The following CLIC5 variants were observed in gnomAD, a reference collection of about 807,000 sequenced individuals.
The protein encoded by CLIC5 is chloride intracellular channel protein 5.
CLIC5 carries 20 observed loss-of-function variants against 24.7 expected under a neutral mutation model. The ratio of observed to expected loss-of-function variants is 0.81; its 90% CI spans 0.57 to 1.18. The LOEUF (loss-of-function observed/expected upper bound fraction) is 1.18, where lower values mean the gene tolerates loss of function less well. CLIC5 is among the 50% of genes most tolerant of loss of function. The pLI is 0.00. For synonymous variants in CLIC5, 159 were observed against 135.6 expected (o/e 1.17, Z -1.20); for missense variants, 341 against 326.1 (o/e 1.05, Z -0.35).
chr6:45,986,539 C>A (rs1243262734), intron 1 of CLIC5, among the ~76,000 whole-genome samples: 1 of 152,126 alleles, frequency 6.6e-6, no homozygotes, highest in Non-Finnish European at 1.5e-5. Context: ...GCCTTAAGGG[C>A]CACTTTGGGG....
At chr6:45,966,061 G>T (rs1765006523) in intron 1 of CLIC5, among the ~76,000 whole-genome samples, 1 of 152,112 alleles carries the variant, frequency 6.6e-6, no homozygotes, top group Non-Finnish European at 1.5e-5. Flanking sequence ...AATAGGATAA[G>T]CTGGGCTGGA....
In CLIC5 at chr6:46,059,390, T is replaced by C. The variant is rs536540387; in HGVS notation, c.540+20313A>G. Among the ~76,000 whole-genome samples, 64 of 152,380 alleles carry C rather than the reference T, an allele frequency of 4.2e-4. 1 individual carries two copies. The highest frequency in any genetic ancestry group is 6.8e-3 in the Middle Eastern group (2 of 294). On this transcript the variant is annotated intron_variant, in intron 1 of 5. Transcript: ENST00000185206. ...ATTCCTATTATTTGCTTTAATTTTG[T>C]ATTTAAATTTATTTGGGAAACTTGC...
At chr6:45,910,094 G>A (rs2127301405) in intron 5 of CLIC5, among the ~76,000 whole-genome samples, 1 of 152,250 alleles carries the variant, frequency 6.6e-6, no homozygotes, top group South Asian at 2.1e-4. Context: ...ATAACACTGA[G>A]CTATAATCTA....
the CLIC5 span, among the ~76,000 whole-genome samples, chr6:46,119,233 G>A: frequency 6.6e-6 from 1 of 152,188 alleles, no homozygotes; most frequent in Non-Finnish European, 1.5e-5. Context: ...ATGCTAATCT[G>A]CAAGAATTAA....
intron 3 of CLIC5, among the ~76,000 whole-genome samples, chr6:45,948,621 C>T (rs535739840): frequency 6.6e-6 from 1 of 152,274 alleles, no homozygotes; most frequent in East Asian, 1.9e-4. Context: ...ACAAGTCTAG[C>T]TTGGGTAAAT....
the CLIC5 span, among the ~76,000 whole-genome samples, chr6:46,099,620 C>T: frequency 6.6e-6 from 1 of 152,192 alleles, no homozygotes; most frequent in Non-Finnish European, 1.5e-5. Flanking sequence ...GCCTTACTCA[C>T]TTTATATATG....
chr6:45,937,343 C>T (rs1383479041), intron 4 of CLIC5: 1 of 152,210 alleles, frequency 6.6e-6, no homozygotes. Context: ...AAGGGTTTTA[C>T]ATGCGCTGAG....
chr6:45,924,809 T>C (rs1351210085), intron 4 of CLIC5, among the ~76,000 whole-genome samples: 1 of 152,080 alleles, frequency 6.6e-6, no homozygotes, highest in Admixed American at 6.5e-5. Flanking sequence ...CTATCAAAAA[T>C]ACTCATCTTC....
At chr6:45,928,618 G>A (rs1763596780) in intron 4 of CLIC5, among the ~76,000 whole-genome samples, 2 of 152,140 alleles carry the variant, frequency 1.3e-5, no homozygotes, top group African/African-American at 4.8e-5. Context: ...GGGATATTGT[G>A]TCCCATCATG....
chr6:45,904,968 C>T (rs1189233187), intron 5 of CLIC5, among the ~76,000 whole-genome samples: 1 of 151,948 alleles, frequency 6.6e-6, no homozygotes, highest in African/African-American at 2.4e-5. Flanking sequence ...TAAGTGAGAA[C>T]ATGTAGTTTC....
chr6:46,052,148 C>G (rs1768121806), intron 1 of CLIC5, among the ~76,000 whole-genome samples: 1 of 151,280 alleles, frequency 6.6e-6, no homozygotes, highest in Non-Finnish European at 1.5e-5. Flanking sequence ...AGAAGAAATT[C>G]TTGTGGTCAA....
the CLIC5 span, among the ~76,000 whole-genome samples, chr6:46,111,810 G>A: frequency 6.6e-6 from 1 of 152,124 alleles, no homozygotes; most frequent in Non-Finnish European, 1.5e-5. Flanking sequence ...GGAAGTGATC[G>A]AATCATGGGG....
chr6:45,883,213 A>G (rs1276822351), intron 6 of CLIC5, among the ~76,000 whole-genome samples: 1 of 152,210 alleles, frequency 6.6e-6, no homozygotes, highest in African/African-American at 2.4e-5. Flanking sequence ...GAGAAACATT[A>G]CCTGCCATTT....
chr6:46,018,414 C>A (rs372358738), upstream of CLIC5, among the ~76,000 whole-genome samples: 11 of 152,242 alleles, frequency 7.2e-5, no homozygotes, highest in South Asian at 1.0e-3. Flanking sequence ...CTTTCAATAA[C>A]ATTTTATAGG....
At chr6:45,970,417 A>G (rs948691715) in intron 1 of CLIC5, among the ~76,000 whole-genome samples, 2 of 152,218 alleles carry the variant, frequency 1.3e-5, no homozygotes, top group African/African-American at 4.8e-5. Context: ...TCAAGCTCAG[A>G]CCGAGCTGTA....
intron 1 of CLIC5, among the ~76,000 whole-genome samples, chr6:46,049,143 C>A (rs2127464296): frequency 6.6e-6 from 1 of 152,302 alleles, no homozygotes; most frequent in Admixed American, 6.5e-5. Context: ...TTGAGAAGAG[C>A]AGTTTAGGGG....
In CLIC5 at chr6:45,899,039, C is replaced by T. The variant is rs1042944302; in HGVS notation, c.*4049G>A. ...GAAATTATGCACACTTTGGATCATA[C>T]ATAATTATGAATCGAAAGTATCCTG... is the stretch of plus-strand genomic sequence containing the variant. On this transcript the variant is annotated 3_prime_UTR_variant, in exon 6 of 6. Coordinates refer to ENST00000339561, the MANE Select transcript of CLIC5 (RefSeq NM_016929.5). 2.0e-5 allele frequency: 3 copies of T among 152,120 alleles called. No individual in the cohort carries two copies. Among genetic ancestry groups the T allele is most frequent in the South Asian group, 4.1e-4 (2 of 4,822 alleles). The allele number at this position is 152,120 out of a possible 1,614,324, so 9.4% of individuals were successfully genotyped here.
intron 1 of CLIC5, among the ~76,000 whole-genome samples, chr6:46,039,819 T>G (rs1204827519): frequency 6.6e-6 from 1 of 152,140 alleles, no homozygotes; most frequent in Non-Finnish European, 1.5e-5. Context: ...CATAAGGAAA[T>G]GCAGACAATA....
At chr6:45,979,186 A>C (rs1269596648) in intron 1 of CLIC5, among the ~76,000 whole-genome samples, 2 of 152,160 alleles carry the variant, frequency 1.3e-5, no homozygotes, top group Admixed American at 1.3e-4. Flanking sequence ...TAGAATAAGA[A>C]TCTTCCCTTT....
Sources: gnomAD v4.1 joint callset for allele counts (sites outside exome capture counted in the v4.1 genomes callset) on GRCh38, gnomAD v4.1.1 for gene constraint, MANE v1.5 for transcripts, NCBI Gene and HGNC (gene_info 2026-07-23, HGNC 2026-07-21) for gene names.